Variants in RGS8 observed in about 807,000 individuals in gnomAD.
RGS8 encodes the protein regulator of G-protein signaling 8.
Under a neutral mutation model 21.7 loss-of-function variants are expected in RGS8, and 8 were observed. That is an observed-to-expected ratio of 0.37 (90% confidence interval 0.22 to 0.66). RGS8 has a LOEUF of 0.66. Ranked by LOEUF, RGS8 falls within the 30% of genes least tolerant of loss-of-function variation. The probability of loss-of-function intolerance (pLI) is 0.59; values close to 1 mark genes in which losing one functional copy is unlikely to be tolerated. For missense variants in RGS8, 157 were observed against 217.9 expected (o/e 0.72, Z 1.76); for synonymous variants, 80 against 83.6 (o/e 0.96, Z 0.24).
the RGS8 span, among the ~76,000 whole-genome samples, chr1:182,719,160 T>C: frequency 6.6e-6 from 1 of 152,204 alleles, no homozygotes; most frequent in Admixed American, 6.5e-5. Context: ...GCCTTCTCTA[T>C]GCACAAAGGC....
At chr1:182,709,937 C>T in the RGS8 span, among the ~76,000 whole-genome samples, 6 of 152,136 alleles carry the variant, frequency 3.9e-5, no homozygotes, top group Admixed American at 3.9e-4. Context: ...TTCTGGGTTA[C>T]AGGAGTGAAT....
the RGS8 span, among the ~76,000 whole-genome samples, chr1:182,693,845 T>C: frequency 1.3e-5 from 2 of 152,188 alleles, no homozygotes; most frequent in Non-Finnish European, 2.9e-5. Flanking sequence ...TGGAGGTCAT[T>C]ATCCTAAGCA....
At chr1:182,716,496 T>C in the RGS8 span, among the ~76,000 whole-genome samples, 1,938 of 152,164 alleles carry the variant, frequency 0.013, 30 homozygotes, top group Admixed American at 0.034. Context: ...TGAATATTTT[T>C]CATCCACAAT....
chr1:182,687,218 T>C (rs1201142231), upstream of RGS8, among the ~76,000 whole-genome samples: 1 of 152,150 alleles, frequency 6.6e-6, no homozygotes, highest in African/African-American at 2.4e-5. Flanking sequence ...TCTGTTTTTT[T>C]CCCCCAAAGA....
At chr1:182,719,874 T>C in the RGS8 span, among the ~76,000 whole-genome samples, 12 of 152,240 alleles carry the variant, frequency 7.9e-5, no homozygotes, top group Non-Finnish European at 1.2e-4. Context: ...CTTGGATTCC[T>C]TATGAAATTA....
chr1:182,737,025 T>C, the RGS8 span, among the ~76,000 whole-genome samples: 24 of 152,148 alleles, frequency 1.6e-4, no homozygotes, highest in African/African-American at 5.6e-4. Context: ...GGGCCCAAAA[T>C]CAAGGCATTG....
the RGS8 span, among the ~76,000 whole-genome samples, chr1:182,705,569 T>C: frequency 7.4e-6 from 1 of 135,598 alleles, no homozygotes; most frequent in Non-Finnish European, 1.6e-5. Flanking sequence ...ACATGCAGCA[T>C]TGATGTGGGT....
upstream of RGS8, among the ~76,000 whole-genome samples, chr1:182,689,346 T>C (rs1168074676): frequency 6.6e-6 from 1 of 151,886 alleles, no homozygotes; most frequent in African/African-American, 2.4e-5. Flanking sequence ...AAATAATTTA[T>C]TAGGATCCCT....
chr1:182,732,272 TAC>T, the RGS8 span, among the ~76,000 whole-genome samples: 381 of 132,308 alleles, frequency 2.9e-3, 2 homozygotes, highest in Admixed American at 4.5e-3. Context: ...CTCTCTCTCA[TAC>T]ACACACACAC....
chr1:182,715,501 A>T, the RGS8 span, among the ~76,000 whole-genome samples: 1 of 152,230 alleles, frequency 6.6e-6, no homozygotes. Context: ...GTATTGCTTT[A>T]GATTAGCAGT....
the RGS8 span, among the ~76,000 whole-genome samples, chr1:182,739,979 C>T: frequency 1.3e-5 from 2 of 152,192 alleles, no homozygotes; most frequent in Non-Finnish European, 2.9e-5. Context: ...ACCCAACCCC[C>T]AACCCCCAAT....
At chr1:182,650,647 G>A (rs1662964596) in intron 5 of RGS8, among the ~76,000 whole-genome samples, 1 of 152,180 alleles carries the variant, frequency 6.6e-6, no homozygotes, top group Admixed American at 6.5e-5. Flanking sequence ...GACTGCTTGA[G>A]CCCAGGAGTT....
the RGS8 span, among the ~76,000 whole-genome samples, chr1:182,717,274 A>G: frequency 1.3e-5 from 2 of 152,228 alleles, no homozygotes; most frequent in Non-Finnish European, 2.9e-5. Flanking sequence ...CTCATCTTCA[A>G]CCTCAACAGA....
chr1:182,750,621 C>A, the RGS8 span, among the ~76,000 whole-genome samples: 2 of 152,138 alleles, frequency 1.3e-5, no homozygotes, highest in Non-Finnish European at 2.9e-5. Flanking sequence ...AGATAGCCAC[C>A]AAAATTTCTC....
chr1:182,687,458 A>G (rs191211032), upstream of RGS8, among the ~76,000 whole-genome samples: 1 of 152,240 alleles, frequency 6.6e-6, no homozygotes, highest in Admixed American at 6.5e-5. Flanking sequence ...CACAGAAAAT[A>G]ATTTTTGTAT....
At chr1:182,665,740 G>A (rs2102434392) in intron 5 of RGS8, among the ~76,000 whole-genome samples, 1 of 152,246 alleles carries the variant, frequency 6.6e-6, no homozygotes, top group Middle Eastern at 3.4e-3. Flanking sequence ...GGCTTCTTGG[G>A]ATCATACTTT....
At chr1:182,648,259 C>T in exon 6 of RGS8, 1 of 1,613,770 alleles carries the variant, frequency 6.2e-7, no homozygotes, top group Non-Finnish European at 8.5e-7. Context: ...AGGTTCTCCT[C>T]ACTGAACTCC....
At chr1:182,668,550 C>T (rs1663986842) in intron 3 of RGS8, among the ~76,000 whole-genome samples, 1 of 152,166 alleles carries the variant, frequency 6.6e-6, no homozygotes. Flanking sequence ...TTATATTTGG[C>T]AGGGATGGAC....
chr1:182,668,262 G>A (rs1180470261), intron 3 of RGS8, among the ~76,000 whole-genome samples: 1 of 152,180 alleles, frequency 6.6e-6, no homozygotes, highest in East Asian at 1.9e-4. Flanking sequence ...AAGTGGGACA[G>A]GTTTAGTATA....
Sources: allele counts gnomAD v4.1 joint callset (sites outside exome capture counted in the v4.1 genomes callset), GRCh38; gene constraint gnomAD v4.1.1; transcripts MANE v1.5; gene names NCBI Gene and HGNC (gene_info 2026-07-23, HGNC 2026-07-21).